PCSK6: variants seen among roughly 807,000 people sequenced by gnomAD.
The protein encoded by PCSK6 is paired basic amino acid cleaving enzyme 4.
Under a neutral mutation model 123.3 loss-of-function variants are expected in PCSK6, and 85 were observed. The observed-to-expected ratio is 0.69, with a 90% CI of 0.58 to 0.83. The LOEUF (loss-of-function observed/expected upper bound fraction) is 0.83. PCSK6 is among the 40% of genes least tolerant of loss of function. The pLI is 0.00. For synonymous variants in PCSK6, 508 were observed against 516.0 expected (o/e 0.98, Z 0.21); for missense variants, 1,191 against 1,282.3 (o/e 0.93, Z 1.09).
At chr15:101,473,463 CG>C (rs990896112) in intron 1 of PCSK6, among the ~76,000 whole-genome samples, 22 of 152,292 alleles carry the variant, frequency 1.4e-4, no homozygotes, top group Non-Finnish European at 2.2e-4. Context: ...GGTTTTCTAA[CG>C]TTTTCTGATT....
At chr15:101,342,120 A>T (rs984290409) in intron 13 of PCSK6, among the ~76,000 whole-genome samples, 11 of 106,472 alleles carry the variant, frequency 1.0e-4, no homozygotes, top group African/African-American at 3.7e-4. Context: ...ACAGAGTAAG[A>T]CCCTGTCTCA....
chr15:101,424,383 A>C (rs11857227), intron 6 of PCSK6, among the ~76,000 whole-genome samples: 30,666 of 152,128 alleles, frequency 0.2, 3,297 homozygotes, highest in East Asian at 0.41. Context: ...TGAAAGACAA[A>C]AAAAAAGTTA....
At chr15:101,446,319 G>A (rs775508179) in intron 1 of PCSK6, among the ~76,000 whole-genome samples, 5 of 152,250 alleles carry the variant, frequency 3.3e-5, no homozygotes, top group Non-Finnish European at 5.9e-5. Context: ...TGGACCATGT[G>A]TCAGAATTTC....
chr15:101,463,747 C>T lies in PCSK6; in HGVS notation c.298-20087G>A, dbSNP rs1051759684. Among the ~76,000 whole-genome samples the T allele has an allele frequency of 3.9e-5, 6 of 152,070 alleles. No individual in the cohort carries two copies. The East Asian group carries it at 5.8e-4, about 15-fold the overall frequency. On this transcript the variant is annotated intron_variant, in intron 1 of 21. Coordinates refer to ENST00000611716, the MANE Select transcript of PCSK6 (RefSeq NM_002570.5). ...TGATACTGGCAGTCCCACTGAACAACGTGCCGGGGAGTTGGGGTGTGGGGT... is the reference window on the plus strand; with the variant it reads ...TGATACTGGCAGTCCCACTGAACAATGTGCCGGGGAGTTGGGGTGTGGGGT...
intron 1 of PCSK6, among the ~76,000 whole-genome samples, chr15:101,452,995 A>T (rs2057075476): frequency 6.6e-6 from 1 of 152,222 alleles, no homozygotes; most frequent in South Asian, 2.1e-4. Context: ...TGTTTCAAAA[A>T]ATTGTAAAAG....
At chr15:101,488,588 G>A (rs1421729973) in intron 1 of PCSK6, among the ~76,000 whole-genome samples, 1 of 152,124 alleles carries the variant, frequency 6.6e-6, no homozygotes, top group East Asian at 1.9e-4. Flanking sequence ...ACAACCCAGC[G>A]GTGTAGACAT....
At chr15:101,314,400 G>C (rs565930758) in intron 19 of PCSK6, among the ~76,000 whole-genome samples, 1 of 152,332 alleles carries the variant, frequency 6.6e-6, no homozygotes, top group African/African-American at 2.4e-5. Context: ...ACAGCGGAGA[G>C]GGTTACAGGC....
chr15:101,309,684 C>T (rs4965377), intron 20 of PCSK6, among the ~76,000 whole-genome samples: 21,409 of 152,248 alleles, frequency 0.14, 1,653 homozygotes, highest in African/African-American at 0.21. Flanking sequence ...GGAGTCTCTG[C>T]CCCCGCTGAG....
chr15:101,341,620 C>T (rs902492589), intron 13 of PCSK6, among the ~76,000 whole-genome samples: 1 of 152,048 alleles, frequency 6.6e-6, no homozygotes. Flanking sequence ...AATTCTATAT[C>T]CAGTGAAAAT....
At chr15:101,479,095 T>C (rs1350720067) in intron 1 of PCSK6, among the ~76,000 whole-genome samples, 1 of 152,108 alleles carries the variant, frequency 6.6e-6, no homozygotes, top group African/African-American at 2.4e-5. Flanking sequence ...GACGCTGTGG[T>C]CCAGAGGGTC....
chr15:101,422,272 C>G (rs1474516961), intron 6 of PCSK6, among the ~76,000 whole-genome samples: 6 of 152,216 alleles, frequency 3.9e-5, no homozygotes, highest in Non-Finnish European at 5.9e-5. Context: ...AACATATAAA[C>G]TCCTCACAAC....
chr15:101,370,830 C>T (rs901673964), intron 11 of PCSK6, among the ~76,000 whole-genome samples: 22 of 152,382 alleles, frequency 1.4e-4, no homozygotes, highest in Admixed American at 1.0e-3. Flanking sequence ...CTGCTGCCAC[C>T]GCTCCAACTT....
chr15:101,316,822 C>CG (rs1224015991), intron 19 of PCSK6, among the ~76,000 whole-genome samples: 2 of 151,344 alleles, frequency 1.3e-5, no homozygotes, highest in Non-Finnish European at 2.9e-5. Flanking sequence ...TGCTCATGGC[C>CG]GGCCACGTGG....
chr15:101,448,989 G>A (rs546438370), intron 1 of PCSK6, among the ~76,000 whole-genome samples: 10 of 152,238 alleles, frequency 6.6e-5, no homozygotes, highest in Middle Eastern at 3.4e-3. Flanking sequence ...TTGTATACAC[G>A]TGTATATACG....
At chr15:101,453,034 A>G (rs2057076682) in intron 1 of PCSK6, among the ~76,000 whole-genome samples, 1 of 152,224 alleles carries the variant, frequency 6.6e-6, no homozygotes, top group Non-Finnish European at 1.5e-5. Flanking sequence ...AAACAAGGTA[A>G]CCAGACCTTT....
In PCSK6 at chr15:101,398,276, G is replaced by T; in HGVS notation, c.996+128C>A. On this transcript the variant is annotated intron_variant, in intron 7 of 21. Coordinates refer to ENST00000611716, the MANE Select transcript of PCSK6 (RefSeq NM_002570.5). This position sits in a 1 kb window ranked among gnomAD's most constrained non-coding sequence, Gnocchi z 4.6. ...GAGTGACTCCTCCACACTGGCCCTGGCACCTGTCACAGCAGAGTCTTCCCT... is the reference window on the plus strand; with the variant it reads ...GAGTGACTCCTCCACACTGGCCCTGTCACCTGTCACAGCAGAGTCTTCCCT... 1 of 1,167,012 alleles carries T rather than the reference G, an allele frequency of 8.6e-7. No individual in the cohort carries two copies. Among genetic ancestry groups the T allele is most frequent in the Non-Finnish European group, 1.2e-6 (1 of 834,910 alleles). The allele number at this position is 1,167,012 out of a possible 1,614,324, so 72.3% of individuals were successfully genotyped here.
At chr15:101,419,793 A>C (rs2056019413) in intron 6 of PCSK6, among the ~76,000 whole-genome samples, 1 of 152,162 alleles carries the variant, frequency 6.6e-6, no homozygotes, top group African/African-American at 2.4e-5. Context: ...ATGGGGATCT[A>C]GGATGTGATG....
At position 101,389,515 on chromosome 15, in the gene PCSK6, G is replaced by A. The variant is rs562306974; in HGVS notation, c.1259C>T (p.Ser420Leu). Residue 420 changes from serine to leucine, a missense_variant, in exon 9 of 22, where the codon TCA (serine) becomes TTA (leucine). Transcript: ENST00000611716. ...QRCTDGHTGT[S>L]VSAPMVAGII... ...GCCCGCCACCATGGGGGCAGAGACT[G>A]AGGTCCCAGTGTGGCCATCGGTACA... 2 of 1,613,660 alleles carry A rather than the reference G, an allele frequency of 1.2e-6. No homozygotes were observed. The highest frequency in any genetic ancestry group is 2.7e-5 in the African/African-American group (2 of 75,044).
At chr15:101,327,533 C>T (rs2040283566) in intron 15 of PCSK6, among the ~76,000 whole-genome samples, 1 of 152,174 alleles carries the variant, frequency 6.6e-6, no homozygotes, top group Non-Finnish European at 1.5e-5. Context: ...CATGTGAAGG[C>T]TTTTGAGTTA....
Sources: gnomAD v4.1 joint callset for allele counts (sites outside exome capture counted in the v4.1 genomes callset) on GRCh38, gnomAD v4.1.1 for gene constraint, Gnocchi (gnomAD v3.1) non-coding constraint, MANE v1.5 for transcripts, NCBI Gene and HGNC (gene_info 2026-07-23, HGNC 2026-07-21) for gene names.